GALNT13: variants seen among roughly 807,000 people sequenced by gnomAD.
GALNT13 encodes UDP-GalNAc:polypeptide N-acetylgalactosaminyltransferase 13.
GALNT13 carries 28 observed loss-of-function variants against 64.2 expected under a neutral mutation model. The ratio of observed to expected loss-of-function variants is 0.44; its 90% CI spans 0.32 to 0.60. The LOEUF (loss-of-function observed/expected upper bound fraction) is 0.60, where lower values mean the gene tolerates loss of function less well. Ranked by LOEUF, GALNT13 falls within the 20% of genes least tolerant of loss-of-function variation. GALNT13 has a pLI of 0.05. For missense variants in GALNT13, 577 were observed against 669.8 expected, an observed-to-expected ratio of 0.86 and a Z score of 1.53; for synonymous variants, 214 against 224.6, an observed-to-expected ratio of 0.95 and a Z score of 0.42.
rs1228007368 is a variant in GALNT13 at position 154,396,150 on chromosome 2, G to A, written c.1296+20G>A. 1 of 1,537,876 alleles carries A rather than the reference G, an allele frequency of 6.5e-7. No homozygotes were observed. Among genetic ancestry groups the A allele is most frequent in the Admixed American group, 2.2e-5 (1 of 46,306 alleles). ...GGTGAGGTATGAATTATTTATTTTGGTTAAGTTATAAATATATTTTGCAAA... is the reference window on the plus strand; with the variant it reads ...GGTGAGGTATGAATTATTTATTTTGATTAAGTTATAAATATATTTTGCAAA... On this transcript the variant is annotated intron_variant, in intron 10 of 12. Coordinates refer to ENST00000392825, the MANE Select transcript of GALNT13 (RefSeq NM_052917.4).
At chr2:153,335,087 T>C in the GALNT13 span, among the ~76,000 whole-genome samples, 1 of 152,218 alleles carries the variant, frequency 6.6e-6, no homozygotes, top group Admixed American at 6.5e-5. Flanking sequence ...GCTGCTGCTA[T>C]GTAAGAAGTG....
At chr2:154,195,463 T>G (rs1307350166) in intron 4 of GALNT13, among the ~76,000 whole-genome samples, 1 of 152,124 alleles carries the variant, frequency 6.6e-6, no homozygotes, top group Non-Finnish European at 1.5e-5. Context: ...AAACAGAGAA[T>G]TCCTAAGAAA....
At chr2:153,956,943 C>G (rs1457214223) in intron 3 of GALNT13, among the ~76,000 whole-genome samples, 1 of 152,066 alleles carries the variant, frequency 6.6e-6, no homozygotes, top group African/African-American at 2.4e-5. Context: ...CTATGCAAAT[C>G]TAGTCACCAT....
chr2:154,456,462 G>C (rs960992766), downstream of GALNT13, among the ~76,000 whole-genome samples: 1 of 151,766 alleles, frequency 6.6e-6, no homozygotes, highest in African/African-American at 2.4e-5. Flanking sequence ...AAAATAAATG[G>C]TTAACATTTC....
intron 10 of GALNT13, among the ~76,000 whole-genome samples, chr2:154,404,091 T>C (rs182008598): frequency 2.6e-5 from 4 of 152,266 alleles, no homozygotes; most frequent in African/African-American, 9.6e-5. Flanking sequence ...CTATTGCTAT[T>C]CTCCCAGATT....
At chr2:154,286,820 C>A in intron 8 of GALNT13, 1 of 332,044 alleles carries the variant, frequency 3.0e-6, no homozygotes, top group South Asian at 2.7e-5. Flanking sequence ...TGTAATGTGC[C>A]AGTCATCACT....
chr2:153,275,691 A>G, the GALNT13 span, among the ~76,000 whole-genome samples: 6 of 152,246 alleles, frequency 3.9e-5, no homozygotes, highest in Admixed American at 2.6e-4. Flanking sequence ...AGCATTCCAT[A>G]ATAAGGCTAT....
At chr2:153,810,085 C>T in the GALNT13 span, among the ~76,000 whole-genome samples, 1 of 152,044 alleles carries the variant, frequency 6.6e-6, no homozygotes, top group African/African-American at 2.4e-5. Context: ...CTCAGCCTCT[C>T]GAGTAGCTGG....
intron 8 of GALNT13, among the ~76,000 whole-genome samples, chr2:154,293,162 CA>C (rs1279233781): frequency 6.6e-6 from 1 of 152,108 alleles, no homozygotes; most frequent in South Asian, 2.1e-4. Flanking sequence ...TAGAAAATAA[CA>C]ATCTGATATA....
At chr2:154,062,098 C>T (rs1471849101) in intron 3 of GALNT13, among the ~76,000 whole-genome samples, 1 of 152,000 alleles carries the variant, frequency 6.6e-6, no homozygotes, top group Non-Finnish European at 1.5e-5. Context: ...AATTATTTTG[C>T]ATTTGTAAGA....
the GALNT13 span, among the ~76,000 whole-genome samples, chr2:153,786,724 C>T: frequency 6.6e-6 from 1 of 151,952 alleles, no homozygotes; most frequent in Admixed American, 6.6e-5. Context: ...CTCCAAATTC[C>T]TTGGAGGTGG....
At chr2:153,788,655 G>A in the GALNT13 span, among the ~76,000 whole-genome samples, 106 of 152,192 alleles carry the variant, frequency 7.0e-4, no homozygotes, top group African/African-American at 2.5e-3. Context: ...GTAGAGAATG[G>A]CAAGCTGGAT....
the GALNT13 span, among the ~76,000 whole-genome samples, chr2:153,335,306 G>A: frequency 6.6e-6 from 1 of 152,214 alleles, no homozygotes; most frequent in African/African-American, 2.4e-5. Context: ...AACAGGCAGA[G>A]ATTGGAACAG....
chr2:154,439,676 C>G (rs896649177), intron 12 of GALNT13, among the ~76,000 whole-genome samples: 2 of 152,004 alleles, frequency 1.3e-5, no homozygotes, highest in Admixed American at 6.6e-5. Flanking sequence ...TTTTAAAAAC[C>G]TTTTTGAATG....
chr2:153,860,076 T>C, the GALNT13 span, among the ~76,000 whole-genome samples: 1 of 152,224 alleles, frequency 6.6e-6, no homozygotes, highest in African/African-American at 2.4e-5. Context: ...AATTTGAAAG[T>C]CAATTACTTT....
intron 10 of GALNT13, among the ~76,000 whole-genome samples, chr2:154,406,395 A>G (rs867946205): frequency 6.6e-6 from 1 of 152,100 alleles, no homozygotes; most frequent in Non-Finnish European, 1.5e-5. Flanking sequence ...TACCATGCCT[A>G]TGCTAAAACT....
chr2:153,221,085 G>A, the GALNT13 span, among the ~76,000 whole-genome samples: 2 of 152,144 alleles, frequency 1.3e-5, no homozygotes, highest in South Asian at 4.1e-4. Flanking sequence ...CAACTCCCAT[G>A]ACACACATTT....
At chr2:153,083,582 G>T in the GALNT13 span, among the ~76,000 whole-genome samples, 2 of 151,870 alleles carry the variant, frequency 1.3e-5, no homozygotes, top group African/African-American at 2.4e-5. Context: ...ACTTTTGATG[G>T]TATTATTTTT....
intron 3 of GALNT13, among the ~76,000 whole-genome samples, chr2:153,986,363 A>T (rs1694801913): frequency 6.6e-6 from 1 of 151,962 alleles, no homozygotes; most frequent in Non-Finnish European, 1.5e-5. Flanking sequence ...TCTAAATGAG[A>T]TATTCCTGGG....
Sources: allele counts gnomAD v4.1 joint callset (sites outside exome capture counted in the v4.1 genomes callset), GRCh38; gene constraint gnomAD v4.1.1; transcripts MANE v1.5; gene names NCBI Gene and HGNC (gene_info 2026-07-23, HGNC 2026-07-21).